The following SRGAP3 variants were observed in gnomAD, a reference collection of about 807,000 sequenced individuals.
SRGAP3 encodes SLIT-ROBO Rho GTPase-activating protein 3.
A neutral mutation model predicts 121.1 loss-of-function variants in SRGAP3; 39 were observed. The ratio of observed to expected loss-of-function variants is 0.32; its 90% CI spans 0.25 to 0.42. SRGAP3 has a LOEUF of 0.42. Among genes scored for constraint, SRGAP3 ranks in the 10% least tolerant of loss-of-function variants. SRGAP3 has a pLI of 1.00. For synonymous variants in SRGAP3, 601 were observed against 570.0 expected, an observed-to-expected ratio of 1.05 and a Z score of -0.77; for missense variants, 1,213 against 1,470.6, an observed-to-expected ratio of 0.82 and a Z score of 2.86.
chr3:9,278,103 G>A (rs552715934), intron 3 of SRGAP3, among the ~76,000 whole-genome samples: 19 of 152,316 alleles, frequency 1.2e-4, no homozygotes, highest in African/African-American at 3.8e-4. Flanking sequence ...CATGGTTGTT[G>A]TTTATTAGCC....
chr3:9,005,612 T>C (rs1943025371), intron 18 of SRGAP3, among the ~76,000 whole-genome samples: 1 of 152,210 alleles, frequency 6.6e-6, no homozygotes, highest in Non-Finnish European at 1.5e-5. Flanking sequence ...TAAGTACTAA[T>C]TCATGCTACA....
At chr3:9,322,707 C>T (rs1955457462) in intron 3 of SRGAP3, among the ~76,000 whole-genome samples, 1 of 151,908 alleles carries the variant, frequency 6.6e-6, no homozygotes, top group South Asian at 2.1e-4. Flanking sequence ...CCATCACCCC[C>T]CACCGTCCAT....
intron 1 of SRGAP3, among the ~76,000 whole-genome samples, chr3:9,360,778 C>T (rs1338055125): frequency 6.6e-6 from 1 of 152,194 alleles, no homozygotes; most frequent in East Asian, 1.9e-4. Context: ...ATTCAATCAT[C>T]TCCCACTGGG....
At position 9,060,349 on chromosome 3, in the gene SRGAP3, T is replaced by C; in HGVS notation, c.683A>G (p.Lys228Arg). 1 of 1,613,922 alleles carries C rather than the reference T, an allele frequency of 6.2e-7. No individual in the cohort carries two copies. Among genetic ancestry groups the C allele is most frequent in the Non-Finnish European group, 8.5e-7 (1 of 1,179,886 alleles). The change falls in exon 6 of 22, where the codon AAG becomes AGG. Residue 228 changes from lysine (K) to arginine (R), a missense_variant. Lys to Arg is a conservative substitution (Grantham distance 26). Transcript: ENST00000383836. ...GCATTTCAGCTTGTTCTCAGAGTAC[T>C]TGGCCTGCCTCTGGAAGAAGAAAAG... Reference protein sequence around the residue: ...IEKMKEKRQAKYSENKLKCTK... With the variant: ...IEKMKEKRQARYSENKLKCTK...
At chr3:9,096,964 T>TAC (rs1948003936) in intron 3 of SRGAP3, among the ~76,000 whole-genome samples, 1 of 96,246 alleles carries the variant, frequency 1.0e-5, no homozygotes, top group Admixed American at 9.7e-5. Context: ...TATATATATA[T>TAC]ATATATATAT....
intron 1 of SRGAP3, among the ~76,000 whole-genome samples, chr3:9,165,077 G>A (rs982714751): frequency 6.6e-6 from 1 of 152,248 alleles, no homozygotes; most frequent in African/African-American, 2.4e-5. Context: ...AGCTAGGGTC[G>A]AAGGTCAGGC....
chr3:9,076,274 G>T (rs1240988788), intron 4 of SRGAP3, among the ~76,000 whole-genome samples: 1 of 152,166 alleles, frequency 6.6e-6, no homozygotes, highest in Non-Finnish European at 1.5e-5. Flanking sequence ...CACAGCAACT[G>T]ATAGCTGAAA....
chr3:9,149,278 G>T (rs1362223825), intron 1 of SRGAP3, among the ~76,000 whole-genome samples: 1 of 151,778 alleles, frequency 6.6e-6, no homozygotes, highest in South Asian at 2.1e-4. Context: ...TCTGGCACAT[G>T]TGTCTTCCCC....
intron 2 of SRGAP3, chr3:9,330,504 G>T: frequency 6.0e-6 from 1 of 166,202 alleles, no homozygotes; most frequent in South Asian, 1.5e-4. Flanking sequence ...GAGATCAATG[G>T]ACACAAACGG....
At chr3:9,204,202 G>C (rs1382699845) in intron 1 of SRGAP3, among the ~76,000 whole-genome samples, 1 of 152,202 alleles carries the variant, frequency 6.6e-6, no homozygotes, top group Non-Finnish European at 1.5e-5. Context: ...AAATTCCAAG[G>C]GAGTAGGGCC....
chr3:9,349,133 G>A, intron 1 of SRGAP3: 1 of 798,404 alleles, frequency 1.3e-6, no homozygotes, highest in Non-Finnish European at 2.2e-6. Context: ...CCTGGGGGAT[G>A]AAGAGACCAT....
At chr3:9,250,909 G>T (rs1487188712), upstream of SRGAP3, among the ~76,000 whole-genome samples, 2 of 152,206 alleles carry the variant, frequency 1.3e-5, no homozygotes, top group African/African-American at 4.8e-5. Context: ...GCTGATCACT[G>T]GAATTTCATA....
intron 1 of SRGAP3, among the ~76,000 whole-genome samples, chr3:9,174,600 T>C (rs1951107789): frequency 6.6e-6 from 1 of 152,166 alleles, no homozygotes; most frequent in South Asian, 2.1e-4. Flanking sequence ...TCTCACTGAA[T>C]GTACCAGCAA....
chr3:9,197,160 A>G (rs1951942414), intron 1 of SRGAP3, among the ~76,000 whole-genome samples: 1 of 152,222 alleles, frequency 6.6e-6, no homozygotes, highest in Admixed American at 6.5e-5. Context: ...AAGAGGACAC[A>G]AATCCTCTAG....
At chr3:9,028,775 G>T (rs1384144090) in intron 12 of SRGAP3, among the ~76,000 whole-genome samples, 3 of 152,126 alleles carry the variant, frequency 2.0e-5, no homozygotes, top group Non-Finnish European at 4.4e-5. Flanking sequence ...ACTTGGCTTT[G>T]CTCTCCTTCC....
At chr3:9,252,624 A>T (rs1200272269), upstream of SRGAP3, among the ~76,000 whole-genome samples, 2 of 152,122 alleles carry the variant, frequency 1.3e-5, no homozygotes, top group Non-Finnish European at 2.9e-5. Flanking sequence ...AACCCACATC[A>T]TCTGGAATCT....
intron 3 of SRGAP3, among the ~76,000 whole-genome samples, chr3:9,294,066 G>A (rs566480255): frequency 6.6e-6 from 1 of 152,154 alleles, no homozygotes; most frequent in Non-Finnish European, 1.5e-5. Context: ...CAATAGCAAA[G>A]ACATGGAATC....
At chr3:9,060,054 G>T (rs1946061654) in intron 6 of SRGAP3, 177 bp downstream of exon 6, 2 of 986,120 alleles carry the variant, frequency 2.0e-6, no homozygotes, top group African/African-American at 1.6e-5. Flanking sequence ...ACACCACGAG[G>T]TAACATTCAT....
chr3:9,201,046 C>T (rs1202169136), intron 1 of SRGAP3, among the ~76,000 whole-genome samples: 1 of 152,180 alleles, frequency 6.6e-6, no homozygotes, highest in Non-Finnish European at 1.5e-5. Flanking sequence ...CCAGAGGCCT[C>T]CCTCTGCTCT....
Sources: allele counts gnomAD v4.1 joint callset (sites outside exome capture counted in the v4.1 genomes callset), GRCh38; gene constraint gnomAD v4.1.1; transcripts MANE v1.5; gene names NCBI Gene and HGNC (gene_info 2026-07-23, HGNC 2026-07-21).